The following TYW1B variants were observed in gnomAD, a reference collection of about 807,000 sequenced individuals.
TYW1B encodes S-adenosyl-L-methionine-dependent tRNA 4-demethylwyosine synthase TYW1B.
Under a neutral mutation model 86.9 loss-of-function variants are expected in TYW1B, and 73 were observed. The ratio of observed to expected loss-of-function variants is 0.84; its 90% CI spans 0.70 to 1.02. The LOEUF is 1.02. TYW1B is among the 50% of genes least tolerant of loss of function. TYW1B has a pLI of 0.00. For missense variants in TYW1B, 637 were observed against 827.4 expected, an observed-to-expected ratio of 0.77 and a Z score of 2.82; for synonymous variants, 248 against 292.8, an observed-to-expected ratio of 0.85 and a Z score of 1.56.
chr7:72,644,448 T>A (rs1812877078), intron 11 of TYW1B, among the ~76,000 whole-genome samples: 1 of 152,126 alleles, frequency 6.6e-6, no homozygotes, highest in African/African-American at 2.4e-5. Flanking sequence ...CTTGGGAGGC[T>A]GAGGCAGAAG....
chr7:72,668,973 G>A (rs1813528418), intron 11 of TYW1B, among the ~76,000 whole-genome samples: 1 of 151,848 alleles, frequency 6.6e-6, no homozygotes, highest in Non-Finnish European at 1.5e-5. Flanking sequence ...CATCCCAGTT[G>A]TAACTATATC....
At chr7:72,576,752 T>C (rs1811031442) in intron 13 of TYW1B, among the ~76,000 whole-genome samples, 1 of 151,956 alleles carries the variant, frequency 6.6e-6, no homozygotes, top group Admixed American at 6.5e-5. Context: ...AACCTCGTGA[T>C]CCGCCGGCCT....
intron 11 of TYW1B, among the ~76,000 whole-genome samples, chr7:72,664,181 C>G (rs1277302945): frequency 6.6e-6 from 1 of 152,146 alleles, no homozygotes; most frequent in Non-Finnish European, 1.5e-5. Context: ...TGCCGTCCAT[C>G]TCCACCAAAC....
chr7:72,624,306 A>C (rs1474095563), intron 12 of TYW1B, among the ~76,000 whole-genome samples: 16 of 152,250 alleles, frequency 1.1e-4, no homozygotes, highest in Non-Finnish European at 1.9e-4. Context: ...ACATAATTAC[A>C]AAAAGTAAAA....
Position 72,645,013 on chromosome 7 carries a change from G to C in TYW1B, c.1507-16016C>G, listed in dbSNP as rs369251549. Among the ~76,000 whole-genome samples, 4 of 152,052 alleles carry C rather than the reference G, an allele frequency of 2.6e-5. No individual in the cohort carries two copies. The East Asian group carries it at 5.8e-4, about 22-fold the overall frequency. ...CGGCTAATTTTTTGTATTTTTAGTA[G>C]AGATGCGGTTTCACCGTGTTAGCCA... On this transcript the variant is annotated intron_variant, in intron 11 of 13. Coordinates refer to ENST00000620995, the MANE Select transcript of TYW1B (RefSeq NM_001145440.3).
intron 13 of TYW1B, 148 bp from the exon 14 acceptor site, chr7:72,575,867 C>G: frequency 2.3e-6 from 3 of 1,318,044 alleles, no homozygotes; most frequent in Non-Finnish European, 3.1e-6. Context: ...AAAACCTCTT[C>G]CATGTTCCAG....
chr7:72,816,614 T>C (rs1292653533), intron 2 of TYW1B, among the ~76,000 whole-genome samples: 2 of 152,090 alleles, frequency 1.3e-5, no homozygotes, highest in East Asian at 1.9e-4. Context: ...CAGAGGCTCA[T>C]TGCCAGAGAA....
chr7:72,651,711 C>T (rs1173464377), intron 11 of TYW1B, among the ~76,000 whole-genome samples: 1 of 152,052 alleles, frequency 6.6e-6, no homozygotes, highest in Non-Finnish European at 1.5e-5. Flanking sequence ...CTTAATAAAA[C>T]ACGTTTGCAA....
chr7:72,627,257 G>A (rs1420420592), intron 12 of TYW1B, among the ~76,000 whole-genome samples: 1 of 152,040 alleles, frequency 6.6e-6, no homozygotes, highest in Non-Finnish European at 1.5e-5. Flanking sequence ...AGAGCAGCCT[G>A]GCCAACATGG....
intron 6 of TYW1B, among the ~76,000 whole-genome samples, chr7:72,794,453 G>T (rs1554474138): frequency 2.0e-5 from 3 of 152,032 alleles, no homozygotes; most frequent in African/African-American, 7.2e-5. Flanking sequence ...CTACTCAGGA[G>T]GCTTACACAG....
At chr7:72,670,665 C>T (rs1373654863) in intron 11 of TYW1B, among the ~76,000 whole-genome samples, 1 of 152,146 alleles carries the variant, frequency 6.6e-6, no homozygotes, top group African/African-American at 2.4e-5. Flanking sequence ...GTAGAAAGAC[C>T]CCCATGGGCT....
chr7:72,827,171 G>C (rs563305494), intron 1 of TYW1B, among the ~76,000 whole-genome samples, 186 bp from the exon 2 acceptor site: 8 of 152,328 alleles, frequency 5.3e-5, no homozygotes, highest in African/African-American at 1.9e-4. Context: ...ACTTTGGGTG[G>C]CTGAGGCGGG....
chr7:72,608,347 C>T (rs576157702), intron 13 of TYW1B, among the ~76,000 whole-genome samples: 83 of 152,250 alleles, frequency 5.5e-4, no homozygotes, highest in South Asian at 2.1e-3. Flanking sequence ...TAATATGATG[C>T]CATGTGATTT....
intron 13 of TYW1B, among the ~76,000 whole-genome samples, chr7:72,594,129 C>T (rs1232512169): frequency 6.6e-6 from 1 of 151,282 alleles, no homozygotes; most frequent in Non-Finnish European, 1.5e-5. Context: ...ACAAACTGAA[C>T]CAAAAGCTAG....
Position 72,756,201 on chromosome 7 carries a change from T to TTTTTATTTTATTTTATTTTA in TYW1B, c.965-11620_965-11601dup, listed in dbSNP as rs66806955. 4.1e-3 allele frequency among the ~76,000 whole-genome samples: 567 copies of TTTTTATTTTATTTTATTTTA among 138,860 alleles called. 1 individual carries two copies. The highest frequency in any genetic ancestry group is 0.012 in the African/African-American group (466 of 37,560). 91.1% of individuals were successfully genotyped at this position (138,860 alleles called of 152,430 possible). A position where few individuals can be genotyped will look rare whatever the true frequency, so the allele number is the denominator to read the frequency against. ...TAATTAGAACTGCCAGTTTATTATT[T>TTTTTATTTTATTTTATTTTA]TTTTATTTTATTTTATTTTATTTTA... is the stretch of plus-strand genomic sequence containing the variant. On this transcript the variant is annotated intron_variant, in intron 7 of 13. Transcript: ENST00000620995.
intron 5 of TYW1B, among the ~76,000 whole-genome samples, chr7:72,805,811 C>T (rs1179419326): frequency 1.3e-5 from 2 of 151,862 alleles, no homozygotes. Flanking sequence ...TGCCACAGCC[C>T]CAAAGAATAA....
At chr7:72,625,645 G>A (rs1264120253) in intron 12 of TYW1B, among the ~76,000 whole-genome samples, 1 of 151,542 alleles carries the variant, frequency 6.6e-6, no homozygotes, top group Non-Finnish European at 1.5e-5. Flanking sequence ...CTGGGCAACC[G>A]AGCAAGACTG....
intron 7 of TYW1B, among the ~76,000 whole-genome samples, chr7:72,776,301 T>C (rs1787952582): frequency 1.3e-5 from 2 of 152,072 alleles, no homozygotes; most frequent in African/African-American, 4.8e-5. Context: ...TAGTATGGTG[T>C]AGGCCAGGTG....
intron 7 of TYW1B, among the ~76,000 whole-genome samples, chr7:72,772,038 G>C (rs1401555373): frequency 1.3e-5 from 2 of 151,676 alleles, no homozygotes; most frequent in South Asian, 4.2e-4. Context: ...CAGTAGGAAT[G>C]GGGTTTCACC....
Sources: allele counts gnomAD v4.1 joint callset (sites outside exome capture counted in the v4.1 genomes callset), GRCh38; gene constraint gnomAD v4.1.1; transcripts MANE v1.5; gene names NCBI Gene and HGNC (gene_info 2026-07-23, HGNC 2026-07-21).